The following CSMD1 variants were observed in gnomAD, a reference collection of about 807,000 sequenced individuals.
The protein encoded by CSMD1 is CUB and Sushi multiple domains 1.
CSMD1 carries 213 observed loss-of-function variants against 417.5 expected under a neutral mutation model. That is an observed-to-expected ratio of 0.51 (90% CI 0.46 to 0.57). The LOEUF (loss-of-function observed/expected upper bound fraction) is 0.57, where lower values mean the gene tolerates loss of function less well. Ranked by LOEUF, CSMD1 falls within the 20% of genes least tolerant of loss-of-function variation. CSMD1 has a pLI of 0.00. For missense variants in CSMD1, 6,923 were observed against 4,529.7 expected (o/e 1.53, Z -15.17); for synonymous variants, 2,862 against 1,736.8 (o/e 1.65, Z -16.11).
chr8:4,618,901 C>A (rs1188174793), intron 2 of CSMD1, among the ~76,000 whole-genome samples: 1 of 152,138 alleles, frequency 6.6e-6, no homozygotes, highest in African/African-American at 2.4e-5. Flanking sequence ...AGAGTGGGCT[C>A]TAGCCATAAA....
At chr8:3,666,802 C>G (rs7814132) in intron 7 of CSMD1, among the ~76,000 whole-genome samples, 4,359 of 151,988 alleles carry the variant, frequency 0.029, 227 homozygotes, top group African/African-American at 0.099. Flanking sequence ...TGTGAGGCCT[C>G]CTCAGCCATG....
At chr8:4,485,927 A>G (rs1801353964) in intron 2 of CSMD1, among the ~76,000 whole-genome samples, 1 of 151,972 alleles carries the variant, frequency 6.6e-6, no homozygotes, top group Admixed American at 6.6e-5. Context: ...AGTTCATTTC[A>G]ATTATTTTGT....
intron 10 of CSMD1, among the ~76,000 whole-genome samples, chr8:3,510,290 T>C (rs974676248): frequency 2.6e-5 from 4 of 151,842 alleles, no homozygotes; most frequent in Admixed American, 1.3e-4. Context: ...TCACTCCACA[T>C]GGCCTGCCTC....
intron 5 of CSMD1, among the ~76,000 whole-genome samples, chr8:3,838,181 C>G (rs1251731060): frequency 1.3e-5 from 2 of 152,056 alleles, no homozygotes; most frequent in Non-Finnish European, 2.9e-5. Context: ...GAATCAGACA[C>G]AGACCCTGCC....
intron 2 of CSMD1, among the ~76,000 whole-genome samples, chr8:4,604,077 T>A (rs1021310581): frequency 1.2e-4 from 19 of 152,104 alleles, no homozygotes; most frequent in Non-Finnish European, 2.4e-4. Flanking sequence ...TCAACTTAGT[T>A]GTTATCATAG....
chr8:3,166,807 A>G lies in CSMD1; in HGVS notation c.5726-4530T>C, dbSNP rs146020704. On this transcript the variant is annotated intron_variant, in intron 37 of 69. Coordinates refer to ENST00000635120, the MANE Select transcript of CSMD1 (RefSeq NM_033225.6). ...GACTAAAAAGAACTCACAAAACGTA[A>G]CTATGATAGGAAAATTCTAGATTAA... is the stretch of plus-strand genomic sequence containing the variant. Among the ~76,000 whole-genome samples the G allele has an allele frequency of 5.8e-3, 886 of 152,360 alleles. 7 individuals are homozygous for G. The highest frequency in any genetic ancestry group is 0.017 in the Middle Eastern group (5 of 294).
intron 3 of CSMD1, among the ~76,000 whole-genome samples, chr8:4,361,943 C>A (rs922835349): frequency 1.3e-5 from 2 of 151,838 alleles, no homozygotes; most frequent in African/African-American, 4.8e-5. Flanking sequence ...CCAGCCTGGG[C>A]AACACAGCAA....
chr8:3,359,111 GC>G (rs753085228), intron 21 of CSMD1, 40 bp downstream of exon 21: 7 of 1,597,196 alleles, frequency 4.4e-6, no homozygotes, highest in Admixed American at 1.7e-5. Flanking sequence ...GCTAGACCCT[GC>G]CCCCATGGAT....
At chr8:3,682,024 T>G (rs1799691234) in intron 7 of CSMD1, among the ~76,000 whole-genome samples, 1 of 152,138 alleles carries the variant, frequency 6.6e-6, no homozygotes, top group Admixed American at 6.5e-5. Flanking sequence ...TCCTTACACC[T>G]TATACAAAAA....
intron 3 of CSMD1, among the ~76,000 whole-genome samples, chr8:4,110,508 C>G (rs1178013014): frequency 6.6e-6 from 1 of 152,116 alleles, no homozygotes; most frequent in Admixed American, 6.5e-5. Flanking sequence ...TTATTTTCCC[C>G]TAGCGTGTGC....
intron 3 of CSMD1, among the ~76,000 whole-genome samples, chr8:4,134,843 G>A (rs752378567): frequency 7.2e-5 from 11 of 152,182 alleles, no homozygotes; most frequent in African/African-American, 1.4e-4. Context: ...GTTGAAAATC[G>A]TTTGATAGCT....
rs150408659 is a variant in CSMD1 at position 3,798,637 on chromosome 8, A to G, written c.819-44595T>C. On this transcript the variant is annotated intron_variant, in intron 5 of 69. Coordinates refer to ENST00000635120, the MANE Select transcript of CSMD1 (RefSeq NM_033225.6). ...TCCATGAAGCCAGTACTCATGCTATATAAAAAATACATACATTTATTCAAG... is the reference window on the plus strand; with the variant it reads ...TCCATGAAGCCAGTACTCATGCTATGTAAAAAATACATACATTTATTCAAG... Among the ~76,000 whole-genome samples, 404 of 152,270 alleles carry G rather than the reference A, an allele frequency of 2.7e-3. 2 individuals are homozygous for G. The highest frequency in any genetic ancestry group is 3.6e-3 in the Non-Finnish European group (246 of 67,980).
intron 5 of CSMD1, among the ~76,000 whole-genome samples, chr8:3,782,019 A>C (rs1413368140): frequency 7.5e-6 from 1 of 133,012 alleles, no homozygotes; most frequent in Non-Finnish European, 1.8e-5. Context: ...TTAAGGGATA[A>C]TTTAAGAGTA....
In CSMD1 at chr8:2,954,239, C is replaced by G. The variant is rs756155665; in HGVS notation, c.10024G>C (p.Val3342Leu). The G allele has an allele frequency of 6.7e-7, 1 of 1,500,472 alleles. No individual in the cohort carries two copies. Among genetic ancestry groups the G allele is most frequent in the South Asian group, 1.2e-5 (1 of 80,172 alleles). 92.9% of individuals were successfully genotyped at this position (1,500,472 alleles called of 1,614,324 possible). A position where few individuals can be genotyped will look rare whatever the true frequency, so the allele number is the denominator to read the frequency against. ...GTATACAAACCTGGAGTTTTAGTAA[C>G]TGTTTCATTAACTTCTCTCACTCCT... ...SKGVREVNETVTKTPVPSDVF... is the reference protein window; with the variant it reads ...SKGVREVNETLTKTPVPSDVF... Residue 3342 changes from valine (V) to leucine (L), a missense_variant, in exon 65 of 70, where the codon GTT becomes CTT. Val to Leu is a conservative substitution (Grantham distance 32). Coordinates refer to ENST00000635120, the MANE Select transcript of CSMD1 (RefSeq NM_033225.6).
chr8:3,896,103 G>C (rs1807342014), intron 5 of CSMD1, among the ~76,000 whole-genome samples: 1 of 152,134 alleles, frequency 6.6e-6, no homozygotes, highest in Non-Finnish European at 1.5e-5. Context: ...GTAACTTCCT[G>C]ATGGGCCCAT....
chr8:4,883,818 ATTTAT>A (rs975694928), intron 1 of CSMD1, among the ~76,000 whole-genome samples: 3 of 152,162 alleles, frequency 2.0e-5, no homozygotes, highest in African/African-American at 7.2e-5. Flanking sequence ...TTTTGTGAGC[ATTTAT>A]TTTAATTTCT....
intron 3 of CSMD1, among the ~76,000 whole-genome samples, chr8:4,213,171 G>GA (rs1480017137): frequency 6.6e-6 from 1 of 152,128 alleles, no homozygotes; most frequent in Non-Finnish European, 1.5e-5. Context: ...ACCAAATGGG[G>GA]AGAGACATAG....
chr8:3,493,694 C>T lies in CSMD1; in HGVS notation c.1377G>A (p.Leu459=), dbSNP rs765747249. ...CCGTCAGGGTGTCATAGCCTCGCTC[C>T]AGCTCAAACTCTTCAAAGGCAAGCT... The part of the protein sequence containing the change: ...VIKLAFEEFE[L]ERGYDTLTVG... The change falls in exon 11 of 70, where the codon CTG becomes CTA. Residue 459 remains leucine (L), a synonymous_variant. Transcript: ENST00000635120. 1.9e-6 allele frequency: 3 copies of T among 1,611,896 alleles called. No individual in the cohort carries two copies. Among genetic ancestry groups the T allele is most frequent in the East Asian group, 2.2e-5 (1 of 44,798 alleles).
At chr8:3,920,388 G>C (rs1393088216) in intron 5 of CSMD1, among the ~76,000 whole-genome samples, 1 of 151,590 alleles carries the variant, frequency 6.6e-6, no homozygotes, top group Non-Finnish European at 1.5e-5. Context: ...TGTGTGTGTG[G>C]ACACTGTAGG....
Sources: allele counts gnomAD v4.1 joint callset (sites outside exome capture counted in the v4.1 genomes callset), GRCh38; gene constraint gnomAD v4.1.1; transcripts MANE v1.5; gene names NCBI Gene and HGNC (gene_info 2026-07-23, HGNC 2026-07-21).